FREM1: variants seen among roughly 807,000 people sequenced by gnomAD.
FREM1 encodes FRAS1-related extracellular matrix protein 1.
A neutral mutation model predicts 210.1 loss-of-function variants in FREM1; 220 were observed. The observed-to-expected ratio is 1.05, with a 90% CI of 0.94 to 1.17. The LOEUF (loss-of-function observed/expected upper bound fraction) is 1.17, where lower values mean the gene tolerates loss of function less well. FREM1 is among the 50% of genes most tolerant of loss of function. FREM1 has a pLI of 0.00. For synonymous variants in FREM1, 1,189 were observed against 980.2 expected (o/e 1.21, Z -3.98); for missense variants, 3,454 against 2,675.5 (o/e 1.29, Z -6.42).
At chr9:14,774,706 C>T (rs1268295317) in intron 25 of FREM1, among the ~76,000 whole-genome samples, 1 of 151,988 alleles carries the variant, frequency 6.6e-6, no homozygotes, top group East Asian at 1.9e-4. Context: ...GTTTGAGAGC[C>T]AGAATATACT....
At chr9:14,780,503 G>GCTGC (rs1418430327) in intron 24 of FREM1, among the ~76,000 whole-genome samples, 1 of 149,478 alleles carries the variant, frequency 6.7e-6, no homozygotes, top group Non-Finnish European at 1.5e-5. Context: ...TTAGTACCCG[G>GCTGC]CTGCCAGCAG....
chr9:14,891,353 C>T (rs1478914787), intron 1 of FREM1, among the ~76,000 whole-genome samples: 1 of 151,910 alleles, frequency 6.6e-6, no homozygotes, highest in Non-Finnish European at 1.5e-5. Context: ...ATTGTGAAGA[C>T]AAAAATGACA....
At chr9:14,824,510 TA>T (rs1821974185) in intron 11 of FREM1, among the ~76,000 whole-genome samples, 1 of 152,172 alleles carries the variant, frequency 6.6e-6, no homozygotes, top group South Asian at 2.1e-4. Context: ...TAAATTGTAC[TA>T]AAAGAAAAAT....
chr9:14,813,146 A>G (rs1819706693), intron 15 of FREM1, 82 bp from the exon 16 acceptor site: 1 of 1,382,408 alleles, frequency 7.2e-7, no homozygotes, highest in Non-Finnish European at 9.8e-7. Context: ...GCTCATAGTC[A>G]GAATGACAGG....
At chr9:14,862,820 G>A (rs986570517) in intron 3 of FREM1, among the ~76,000 whole-genome samples, 6 of 151,846 alleles carry the variant, frequency 4.0e-5, no homozygotes, top group African/African-American at 9.7e-5. Context: ...GTGCTTCGTT[G>A]TTTTTTTATG....
intron 1 of FREM1, among the ~76,000 whole-genome samples, chr9:14,903,876 C>T (rs1373943253): frequency 6.6e-6 from 1 of 152,110 alleles, no homozygotes; most frequent in Non-Finnish European, 1.5e-5. Context: ...AATCCCAGCA[C>T]TTTGGAAGGC....
chr9:14,896,088 T>C (rs547999253), intron 1 of FREM1, among the ~76,000 whole-genome samples: 4 of 152,202 alleles, frequency 2.6e-5, no homozygotes, highest in East Asian at 3.9e-4. Context: ...ACCTTGCTGA[T>C]GAAACAGTTT....
At chr9:14,785,292 T>G (rs767064546) in intron 23 of FREM1, among the ~76,000 whole-genome samples, 1 of 152,222 alleles carries the variant, frequency 6.6e-6, no homozygotes. Context: ...ACAACACAGA[T>G]GTAGTTTATT....
intron 19 of FREM1, among the ~76,000 whole-genome samples, chr9:14,804,402 G>A (rs1449958225): frequency 5.9e-5 from 9 of 152,210 alleles, no homozygotes; most frequent in Admixed American, 5.2e-4. Context: ...TGGCTAACAC[G>A]GTGAAACCCC....
At chr9:14,846,220 G>A (rs746096812) in intron 7 of FREM1, 129 bp from the exon 8 acceptor site, 7 of 662,278 alleles carry the variant, frequency 1.1e-5, no homozygotes, top group Non-Finnish European at 1.5e-5. Flanking sequence ...GGACATGGAT[G>A]AAACTGGAAA....
At chr9:14,783,144 G>A (rs1849891226) in intron 24 of FREM1, among the ~76,000 whole-genome samples, 2 of 152,156 alleles carry the variant, frequency 1.3e-5, no homozygotes, top group African/African-American at 4.8e-5. Context: ...AGCTTTCTGG[G>A]ATTTTTTGTT....
chr9:14,902,705 T>G (rs1172013704), intron 1 of FREM1, among the ~76,000 whole-genome samples: 4 of 152,190 alleles, frequency 2.6e-5, no homozygotes, highest in African/African-American at 9.7e-5. Context: ...ATCTGAGGTT[T>G]TTGAAAGATT....
rs868291175 is a variant in FREM1, at chr9:14,861,302, C to T, written c.330-1818G>A. On this transcript the variant is annotated intron_variant, in intron 3 of 36. Coordinates refer to ENST00000380880, the MANE Select transcript of FREM1 (RefSeq NM_001379081.2). ...ACATATATACATATATACATATATA[C>T]ACATATATACATATATACACATATA... 3.6e-5 allele frequency among the ~76,000 whole-genome samples: 4 copies of T among 109,812 alleles called. 1 individual carries two copies. The highest frequency in any genetic ancestry group is 2.2e-4 in the African/African-American group (4 of 18,604). The allele number at this position is 109,812 out of a possible 152,430, so 72.0% of individuals were successfully genotyped here.
At chr9:14,853,738 T>G (rs970353280) in intron 5 of FREM1, among the ~76,000 whole-genome samples, 3 of 152,320 alleles carry the variant, frequency 2.0e-5, no homozygotes, top group East Asian at 3.9e-4. Context: ...GCATGGTTGA[T>G]GAAGGCAGGT....
At position 14,833,609 on chromosome 9, in the gene FREM1, T is replaced by A. The variant is rs565761712; in HGVS notation, c.1881+7838A>T. 5.3e-5 allele frequency among the ~76,000 whole-genome samples: 8 copies of A among 152,342 alleles called. No individual in the cohort carries two copies. The South Asian group carries it at 1.7e-3, about 32-fold the overall frequency. On this transcript the variant is annotated intron_variant, in intron 10 of 36. Transcript: ENST00000380880. ...TGATTTCATCTGTGAGGTTACTTTT[T>A]TGTAACATTCAAAAGCTGAAAATCT...
intron 1 of FREM1, among the ~76,000 whole-genome samples, chr9:14,904,437 A>C (rs536267716): frequency 3.3e-5 from 5 of 152,344 alleles, no homozygotes; most frequent in African/African-American, 1.2e-4. Context: ...TGATGCACTG[A>C]GCCAGTAAGT....
At chr9:14,796,066 T>A (rs995004230) in intron 21 of FREM1, among the ~76,000 whole-genome samples, 1 of 152,216 alleles carries the variant, frequency 6.6e-6, no homozygotes, top group Non-Finnish European at 1.5e-5. Context: ...GACAAACTGA[T>A]GTATGAGATG....
intron 16 of FREM1, among the ~76,000 whole-genome samples, chr9:14,811,961 C>A (rs910576648): frequency 6.6e-6 from 1 of 152,094 alleles, no homozygotes; most frequent in East Asian, 1.9e-4. Flanking sequence ...ACAGCAAAAG[C>A]CAGCAGATGA....
intron 19 of FREM1, among the ~76,000 whole-genome samples, chr9:14,803,404 G>A (rs1306441406): frequency 2.1e-5 from 3 of 140,354 alleles, no homozygotes; most frequent in South Asian, 2.4e-4. Context: ...CTGTTGCCCA[G>A]GCTACAGTAC....
Sources: allele counts gnomAD v4.1 joint callset (sites outside exome capture counted in the v4.1 genomes callset), GRCh38; gene constraint gnomAD v4.1.1; transcripts MANE v1.5; gene names NCBI Gene and HGNC (gene_info 2026-07-23, HGNC 2026-07-21).